LOC128462377: variants seen among roughly 807,000 people sequenced by gnomAD.
At chr16:89,399,934 G>A in the LOC128462377 span, among the ~76,000 whole-genome samples, 3 of 152,208 alleles carry the variant, frequency 2.0e-5, no homozygotes, top group Non-Finnish European at 4.4e-5. Context: ...CCAAGAAGCA[G>A]AGTAAGCCGA....
the LOC128462377 span, among the ~76,000 whole-genome samples, chr16:89,337,429 C>CTTTTTTTTTTTTTT: frequency 1.9e-3 from 102 of 53,132 alleles, 30 homozygotes; most frequent in South Asian, 6.1e-3. Context: ...CTAAGCAATT[C>CTTTTTTTTTTTTTT]TTTTTTTTTT....
At chr16:89,342,917 C>T in the LOC128462377 span, among the ~76,000 whole-genome samples, 1 of 152,162 alleles carries the variant, frequency 6.6e-6, no homozygotes, top group African/African-American at 2.4e-5. Context: ...GGCTCATATC[C>T]CAGAGCCCAA....
chr16:89,391,760 C>T, the LOC128462377 span, among the ~76,000 whole-genome samples: 1 of 152,194 alleles, frequency 6.6e-6, no homozygotes, highest in Non-Finnish European at 1.5e-5. Flanking sequence ...TCTTCAAAGA[C>T]TTTCCTCCCC....
chr16:89,344,130 C>T, the LOC128462377 span, among the ~76,000 whole-genome samples: 1 of 152,322 alleles, frequency 6.6e-6, no homozygotes, highest in East Asian at 1.9e-4. Context: ...GGAACAAACC[C>T]TGGAGTCTGT....
chr16:89,398,126 G>A, the LOC128462377 span, among the ~76,000 whole-genome samples: 2 of 150,826 alleles, frequency 1.3e-5, no homozygotes, highest in Non-Finnish European at 2.9e-5. Context: ...GCTGACAAGA[G>A]GGACACTGTG....
At chr16:89,370,608 G>A in the LOC128462377 span, 1,443 of 152,632 alleles carry the variant, frequency 9.5e-3, 44 homozygotes, top group Admixed American at 0.045. Context: ...GCACACATTT[G>A]ACAAATGACC....
At chr16:89,341,911 C>A in the LOC128462377 span, among the ~76,000 whole-genome samples, 117 of 150,392 alleles carry the variant, frequency 7.8e-4, no homozygotes, top group African/African-American at 2.7e-3. Flanking sequence ...CCCACAGCGG[C>A]CACGGCCCAC....
the LOC128462377 span, chr16:89,373,252 A>G: frequency 7.2e-5 from 11 of 152,334 alleles, no homozygotes; most frequent in African/African-American, 2.6e-4. Flanking sequence ...GAACAAAAAC[A>G]CCTATTTCCA....
the LOC128462377 span, among the ~76,000 whole-genome samples, chr16:89,413,702 T>C: frequency 6.6e-6 from 1 of 152,184 alleles, no homozygotes; most frequent in East Asian, 1.9e-4. Flanking sequence ...AACCTAGTCC[T>C]GTGGCTGTCA....
chr16:89,327,741 A>C, the LOC128462377 span, among the ~76,000 whole-genome samples: 7 of 152,236 alleles, frequency 4.6e-5, no homozygotes, highest in Non-Finnish European at 8.8e-5. Flanking sequence ...CCAAATAAAA[A>C]TAAATGCTTA....
At chr16:89,382,256 T>C in the LOC128462377 span, among the ~76,000 whole-genome samples, 1 of 152,030 alleles carries the variant, frequency 6.6e-6, no homozygotes, top group Non-Finnish European at 1.5e-5. Context: ...TTAAAAGGTG[T>C]CTAGAAATTC....
chr16:89,398,158 G>C, the LOC128462377 span, among the ~76,000 whole-genome samples: 1 of 148,744 alleles, frequency 6.7e-6, no homozygotes, highest in East Asian at 2.0e-4. Flanking sequence ...GACTACCTGT[G>C]ACCTCAGCAC....
chr16:89,407,949 A>G, the LOC128462377 span, among the ~76,000 whole-genome samples: 74 of 152,270 alleles, frequency 4.9e-4, no homozygotes, highest in Non-Finnish European at 4.1e-4. Flanking sequence ...AGCCAAACTG[A>G]TAAGTTTTTA....
At chr16:89,369,843 G>A in the LOC128462377 span, among the ~76,000 whole-genome samples, 1 of 152,214 alleles carries the variant, frequency 6.6e-6, no homozygotes, top group Admixed American at 6.5e-5. Context: ...CACTGGGGAA[G>A]CTTGGCAATG....
At chr16:89,357,140 TA>T in the LOC128462377 span, among the ~76,000 whole-genome samples, 1 of 152,220 alleles carries the variant, frequency 6.6e-6, no homozygotes, top group Non-Finnish European at 1.5e-5. Flanking sequence ...TGGAGCCATC[TA>T]GGGGCACTGC....
chr16:89,354,835 C>T, the LOC128462377 span, among the ~76,000 whole-genome samples: 3 of 151,700 alleles, frequency 2.0e-5, no homozygotes, highest in Non-Finnish European at 2.9e-5. Context: ...TGCAGTGAGC[C>T]GAGATCACAC....
At chr16:89,374,243 G>C in the LOC128462377 span, among the ~76,000 whole-genome samples, 2 of 151,928 alleles carry the variant, frequency 1.3e-5, no homozygotes, top group Non-Finnish European at 2.9e-5. Flanking sequence ...AAATCAATGA[G>C]ATTTTATGCT....
chr16:89,379,176 T>C, the LOC128462377 span, among the ~76,000 whole-genome samples: 1 of 152,236 alleles, frequency 6.6e-6, no homozygotes, highest in African/African-American at 2.4e-5. Flanking sequence ...ACACGGCCAT[T>C]CTGGGAGCTG....
chr16:89,342,284 A>C, the LOC128462377 span, among the ~76,000 whole-genome samples: 13 of 152,252 alleles, frequency 8.5e-5, no homozygotes, highest in African/African-American at 3.1e-4. Flanking sequence ...GGTGAATGAG[A>C]GCGGCAGCCC....
Sources: gnomAD v4.1 joint callset for allele counts (sites outside exome capture counted in the v4.1 genomes callset) on GRCh38, gnomAD v4.1.1 for gene constraint, MANE v1.5 for transcripts.